Variants in CENPL observed in about 807,000 individuals in gnomAD.
The protein encoded by CENPL is interphase centromere complex protein 33.
CENPL carries 20 observed loss-of-function variants against 35.2 expected under a neutral mutation model. The ratio of observed to expected loss-of-function variants is 0.57; its 90% CI spans 0.40 to 0.83. The LOEUF is 0.83. Among genes scored for constraint, CENPL ranks in the 40% least tolerant of loss-of-function variants. The probability of loss-of-function intolerance (pLI) is 0.00; values close to 1 mark genes in which losing one functional copy is unlikely to be tolerated. For missense variants in CENPL, 363 were observed against 395.8 expected (o/e 0.92, Z 0.70); for synonymous variants, 140 against 140.6 (o/e 1.00, Z 0.03).
intron 3 of CENPL, among the ~76,000 whole-genome samples, chr1:173,808,778 T>A (rs1650479404): frequency 6.6e-6 from 1 of 151,988 alleles, no homozygotes; most frequent in East Asian, 1.9e-4. Flanking sequence ...CACAAAACTA[T>A]AAAAACCCTG....
At chr1:173,824,055 CT>C (rs1282564628) in intron 1 of CENPL, 36 bp from the exon 2 acceptor site, 2 of 151,844 alleles carry the variant, frequency 1.3e-5, no homozygotes, top group Non-Finnish European at 2.9e-5. Context: ...AAAATGACAG[CT>C]AAGACAGAGG....
Position 173,811,253 on chromosome 1 carries a change from C to A in CENPL, c.47G>T (p.Arg16Ile). The A allele has an allele frequency of 6.2e-7, 1 of 1,613,256 alleles. No homozygotes were observed. The change falls in exon 3 of 6, where the codon AGA becomes ATA. Residue 16 changes from arginine to isoleucine, a missense_variant. Coordinates refer to ENST00000682279, the MANE Select transcript of CENPL (RefSeq NM_001387287.1). The stretch of plus-strand genomic sequence containing the variant: ...GGCACCTATAAAGTAATCTTCAGGT[C>A]TTGAGGATGCACTAGGAGTTGACTC... ...APESTPSASS[R>I]PEDYFIGATP...
intron 2 of CENPL, among the ~76,000 whole-genome samples, chr1:173,812,190 A>G (rs571474951): frequency 6.6e-6 from 1 of 152,370 alleles, no homozygotes; most frequent in African/African-American, 2.4e-5. Flanking sequence ...GAAGCCCACC[A>G]CAGCTCAGCA....
chr1:173,800,731 T>C (rs1311316381), intron 5 of CENPL, among the ~76,000 whole-genome samples: 1 of 151,868 alleles, frequency 6.6e-6, no homozygotes, highest in Non-Finnish European at 1.5e-5. Flanking sequence ...GAGGATCACT[T>C]GAGCCCAGCA....
chr1:173,811,780 A>G (rs964999866), intron 2 of CENPL, among the ~76,000 whole-genome samples: 4 of 152,200 alleles, frequency 2.6e-5, no homozygotes, highest in African/African-American at 7.2e-5. Flanking sequence ...TGCATTTCCA[A>G]CTGAGGTAAC....
chr1:173,815,568 A>G (rs902727068), intron 2 of CENPL, among the ~76,000 whole-genome samples: 3 of 152,220 alleles, frequency 2.0e-5, no homozygotes, highest in African/African-American at 7.2e-5. Flanking sequence ...TCACATAAAC[A>G]GAAACAACAA....
At chr1:173,814,815 G>C (rs2102598146) in intron 2 of CENPL, among the ~76,000 whole-genome samples, 1 of 152,028 alleles carries the variant, frequency 6.6e-6, no homozygotes, top group East Asian at 1.9e-4. Flanking sequence ...CTAGCAGAAG[G>C]CAAGAAATAA....
At chr1:173,818,931 T>G (rs1651673267) in intron 2 of CENPL, among the ~76,000 whole-genome samples, 1 of 152,206 alleles carries the variant, frequency 6.6e-6, no homozygotes, top group South Asian at 2.1e-4. Context: ...AACGGAAGTA[T>G]TTCATAGAAC....
At chr1:173,820,831 A>G (rs1031259660) in intron 2 of CENPL, among the ~76,000 whole-genome samples, 5 of 152,248 alleles carry the variant, frequency 3.3e-5, no homozygotes, top group Admixed American at 1.3e-4. Context: ...CATTTTTAAA[A>G]TGACAAAGTT....
Position 173,799,689 on chromosome 1 carries a change from GC to G in CENPL, c.*758del, listed in dbSNP as rs1557843107. Reference sequence around the variant, plus strand: ...AGGGGATTTTGATTGCCAGTTCTCCGCAGTGAAATGCTAGGAAAATGTCTTT... The same window carrying G: ...AGGGGATTTTGATTGCCAGTTCTCCGAGTGAAATGCTAGGAAAATGTCTTT... On this transcript the variant is annotated 3_prime_UTR_variant, in exon 6 of 6. Transcript: ENST00000682279. 1.3e-5 allele frequency: 2 copies of G among 152,058 alleles called. No homozygotes were observed. The highest frequency in any genetic ancestry group is 4.8e-5 in the African/African-American group (2 of 41,406). The allele number at this position is 152,058 out of a possible 1,614,324, so 9.4% of individuals were successfully genotyped here. A position where few individuals can be genotyped will look rare whatever the true frequency, so the allele number is the denominator to read the frequency against.
chr1:173,807,252 G>GT lies in CENPL; in HGVS notation c.420+14dup, dbSNP rs1650318577. 1 of 1,567,532 alleles carries GT rather than the reference G, an allele frequency of 6.4e-7. No homozygotes were observed. The highest frequency in any genetic ancestry group is 8.7e-7 in the Non-Finnish European group (1 of 1,152,602). The stretch of plus-strand genomic sequence containing the variant: ...ACTTTTCCCCTAGGAAGCAAGAACT[G>GT]TTTATGTATTATACCTGGACAAGAA... On this transcript the variant is annotated intron_variant, in intron 4 of 5. Coordinates refer to ENST00000682279, the MANE Select transcript of CENPL (RefSeq NM_001387287.1).
Position 173,803,570 on chromosome 1 carries a change from C to G in CENPL, c.421-65G>C, listed in dbSNP as rs569065765. 36 of 1,396,772 alleles carry G rather than the reference C, an allele frequency of 2.6e-5. 1 individual carries two copies. In the East Asian group the frequency reaches 5.7e-4, roughly 22 times the overall value. 86.5% of individuals were successfully genotyped at this position (1,396,772 alleles called of 1,614,324 possible). On this transcript the variant is annotated intron_variant, in intron 4 of 5. Coordinates refer to ENST00000682279, the MANE Select transcript of CENPL (RefSeq NM_001387287.1). ...CATTTACTTCTAAATTCCATCTTCTCAAAATTAGTTCATTAAAAATAAGAC... is the reference window on the plus strand; with the variant it reads ...CATTTACTTCTAAATTCCATCTTCTGAAAATTAGTTCATTAAAAATAAGAC...
intron 2 of CENPL, chr1:173,823,563 C>T (rs944577584): frequency 1.3e-5 from 2 of 152,228 alleles, no homozygotes; most frequent in Non-Finnish European, 2.9e-5. Flanking sequence ...ATTAAAAACA[C>T]TTCTCTACTC....
At position 173,806,059 on chromosome 1, in the gene CENPL, A is replaced by G. The variant is rs1650198009; in HGVS notation, c.420+1208T>C. 1.3e-5 allele frequency among the ~76,000 whole-genome samples: 2 copies of G among 152,192 alleles called. 1 individual carries two copies. Among genetic ancestry groups the G allele is most frequent in the Non-Finnish European group, 2.9e-5 (2 of 68,036 alleles). On this transcript the variant is annotated intron_variant, in intron 4 of 5. Transcript: ENST00000682279. ...TTCTCAACTCTGCTGTTGCAGCACA[A>G]AAGCAGCCACAGACAATATATAAGC...
intron 4 of CENPL, among the ~76,000 whole-genome samples, chr1:173,806,761 G>T (rs1268036934): frequency 6.6e-6 from 1 of 152,010 alleles, no homozygotes; most frequent in Non-Finnish European, 1.5e-5. Flanking sequence ...AGGCTCAGGT[G>T]ATCTGCCCGC....
rs1649893325 is a variant in CENPL, at chr1:173,803,013, C to A, written c.913G>T (p.Val305Phe). The A allele has an allele frequency of 2.5e-6, 4 of 1,613,648 alleles. No homozygotes were observed. The highest frequency in any genetic ancestry group is 2.5e-6 in the Non-Finnish European group (3 of 1,179,638). Reference protein sequence around the residue: ...FKIHLSATRLVRVSTSVASAH... With the variant: ...FKIHLSATRLFRVSTSVASAH... ...GAAGCTACAGATGTTGAAACACGAACTAATCTTGTGGCTGATAAATGAATT... is the reference window on the plus strand; with the variant it reads ...GAAGCTACAGATGTTGAAACACGAAATAATCTTGTGGCTGATAAATGAATT... Residue 305 changes from valine to phenylalanine, a missense_variant, in exon 5 of 6, where the codon GTT becomes TTT. Physicochemically the swap from Val to Phe is conservative, Grantham distance 50 (BLOSUM62 -1). Transcript: ENST00000682279.
intron 3 of CENPL, among the ~76,000 whole-genome samples, chr1:173,810,423 T>A (rs1650696785): frequency 6.6e-6 from 1 of 151,860 alleles, no homozygotes; most frequent in Non-Finnish European, 1.5e-5. Context: ...AGGCTTAACA[T>A]CTGGGTGATG....
chr1:173,808,176 G>C (rs1213439345), intron 3 of CENPL, among the ~76,000 whole-genome samples: 1 of 152,148 alleles, frequency 6.6e-6, no homozygotes, highest in Non-Finnish European at 1.5e-5. Flanking sequence ...GGGAGGCTGA[G>C]GCAGGCGGAT....
intron 2 of CENPL, among the ~76,000 whole-genome samples, chr1:173,814,698 A>T (rs1394551174): frequency 6.6e-6 from 1 of 152,220 alleles, no homozygotes; most frequent in Non-Finnish European, 1.5e-5. Flanking sequence ...GTAGAGGAAA[A>T]TTTATAGCAC....
Sources: gnomAD v4.1 joint callset for allele counts (sites outside exome capture counted in the v4.1 genomes callset) on GRCh38, gnomAD v4.1.1 for gene constraint, MANE v1.5 for transcripts, NCBI Gene and HGNC (gene_info 2026-07-23, HGNC 2026-07-21) for gene names.